Variants in SHTN1 observed in about 807,000 individuals in gnomAD.
SHTN1 encodes shootin 1.
A neutral mutation model predicts 83.1 loss-of-function variants in SHTN1; 42 were observed. The ratio of observed to expected loss-of-function variants is 0.51; its 90% CI spans 0.39 to 0.65. The LOEUF is 0.65. SHTN1 is among the 30% of genes least tolerant of loss of function. The pLI is 0.00. For missense variants in SHTN1, 622 were observed against 737.8 expected, an observed-to-expected ratio of 0.84 and a Z score of 1.82; for synonymous variants, 224 against 247.7, an observed-to-expected ratio of 0.90 and a Z score of 0.90.
chr10:117,069,905 T>C (rs1853056592), intron 1 of SHTN1, among the ~76,000 whole-genome samples: 2 of 152,232 alleles, frequency 1.3e-5, no homozygotes, highest in Non-Finnish European at 2.9e-5. Flanking sequence ...AGCCAACAGA[T>C]TGTACATATT....
upstream of SHTN1, chr10:117,005,455 C>G (rs377701955): frequency 6.7e-6 from 7 of 1,043,652 alleles, no homozygotes; most frequent in East Asian, 2.8e-4. Context: ...CTCCACCTCC[C>G]GGACTCAGGG....
intron 1 of SHTN1, among the ~76,000 whole-genome samples, chr10:116,998,179 T>C (rs1039225499): frequency 6.6e-6 from 1 of 152,228 alleles, no homozygotes; most frequent in African/African-American, 2.4e-5. Flanking sequence ...ATGGGAGATT[T>C]GTCTTTAATC....
chr10:117,004,639 G>A (rs896141063), intron 1 of SHTN1, among the ~76,000 whole-genome samples: 1 of 152,190 alleles, frequency 6.6e-6, no homozygotes, highest in South Asian at 2.1e-4. Context: ...GTGGGGCCAA[G>A]CTAGCTGAGC....
At chr10:116,935,671 T>C (rs966153150) in intron 9 of SHTN1, among the ~76,000 whole-genome samples, 1 of 152,238 alleles carries the variant, frequency 6.6e-6, no homozygotes, top group Non-Finnish European at 1.5e-5. Flanking sequence ...AGGATGATGC[T>C]GGCCTCATAA....
At chr10:117,051,347 T>C (rs1852738047) in intron 1 of SHTN1, among the ~76,000 whole-genome samples, 1 of 152,034 alleles carries the variant, frequency 6.6e-6, no homozygotes, top group African/African-American at 2.4e-5. Context: ...TGAAGAAGAA[T>C]TAACACTAAT....
chr10:117,097,641 G>C (rs1350791221), intron 1 of SHTN1, among the ~76,000 whole-genome samples: 1 of 152,116 alleles, frequency 6.6e-6, no homozygotes, highest in Non-Finnish European at 1.5e-5. Flanking sequence ...GAAGGTTATA[G>C]GTTACTAAAA....
intron 1 of SHTN1, among the ~76,000 whole-genome samples, chr10:116,983,265 A>G (rs961054079): frequency 4.6e-5 from 7 of 152,286 alleles, no homozygotes; most frequent in Non-Finnish European, 7.4e-5. Context: ...GTTAACATAT[A>G]AAAGAGTATT....
chr10:117,116,901 A>G (rs10886043), intron 1 of SHTN1, among the ~76,000 whole-genome samples: 100,237 of 151,960 alleles, frequency 0.66, 36,501 homozygotes, highest in Middle Eastern at 0.84. Flanking sequence ...ATATAGCAGG[A>G]ATATACCTCA....
chr10:117,093,061 A>G (rs1853456652), intron 1 of SHTN1, among the ~76,000 whole-genome samples: 1 of 152,210 alleles, frequency 6.6e-6, no homozygotes, highest in Non-Finnish European at 1.5e-5. Flanking sequence ...AACTCCTTCA[A>G]TAAATGTCAG....
chr10:117,011,512 G>A (rs191563114), intron 2 of SHTN1, among the ~76,000 whole-genome samples: 197 of 152,224 alleles, frequency 1.3e-3, no homozygotes, highest in Middle Eastern at 3.4e-3. Context: ...TTCCTATGTG[G>A]AAAATACCAA....
chr10:116,982,452 T>C (rs1467141413), intron 1 of SHTN1, among the ~76,000 whole-genome samples: 1 of 152,178 alleles, frequency 6.6e-6, no homozygotes, highest in Non-Finnish European at 1.5e-5. Flanking sequence ...TGTATCACAG[T>C]GGACCCCTAA....
intron 2 of SHTN1, among the ~76,000 whole-genome samples, chr10:116,971,892 TTCAG>T (rs1181262526): frequency 6.6e-6 from 1 of 152,192 alleles, no homozygotes; most frequent in East Asian, 1.9e-4. Flanking sequence ...CAATTCTCGC[TTCAG>T]TCAAATAGCC....
Position 117,087,125 on chromosome 10 carries a change from GTTATTGC to G in SHTN1, c.-188-38622_-188-38616del, listed in dbSNP as rs557751623. 1.6e-4 allele frequency among the ~76,000 whole-genome samples: 25 copies of G among 152,312 alleles called. No individual in the cohort carries two copies. In the South Asian group the frequency reaches 5.2e-3, roughly 32 times the overall value. On this transcript the variant is annotated intron_variant, in intron 1 of 17. Coordinates refer to the SHTN1 transcript ENST00000392901. ...GTCTGGATAGAGGAAGAAATAGGGA[GTTATTGC>G]TTAATGGGTGCAATAAGCAATAGGT... is the stretch of plus-strand genomic sequence containing the variant.
chr10:116,953,511 C>T (rs1849849209), intron 5 of SHTN1, among the ~76,000 whole-genome samples: 1 of 151,438 alleles, frequency 6.6e-6, no homozygotes, highest in Non-Finnish European at 1.5e-5. Context: ...ATGTGGGAAG[C>T]TTTCAAAATA....
At position 117,005,133 on chromosome 10, in the gene SHTN1, CAGG is replaced by C; in HGVS notation, c.-57_-55del. 6.4e-7 allele frequency: 1 copy of C among 1,560,700 alleles called. No individual in the cohort carries two copies. Among genetic ancestry groups the C allele is most frequent in the South Asian group, 1.2e-5 (1 of 84,952 alleles). On this transcript the variant is annotated 5_prime_UTR_variant, in exon 1 of 17. Transcript: ENST00000355371. ...GAAAGAGGGAGCGGCGCGGGGCACACAGGAGGAGGGGGAAGAAAAAGCAAGATG... is the reference window on the plus strand; with the variant it reads ...GAAAGAGGGAGCGGCGCGGGGCACACAGGAGGGGGAAGAAAAAGCAAGATG...
intron 1 of SHTN1, among the ~76,000 whole-genome samples, chr10:117,002,020 A>T (rs907952193): frequency 6.6e-6 from 1 of 152,204 alleles, no homozygotes; most frequent in African/African-American, 2.4e-5. Flanking sequence ...GATTGGCAAA[A>T]ATTCAAAAAC....
chr10:117,066,999 T>C (rs986505133), intron 1 of SHTN1, among the ~76,000 whole-genome samples: 1 of 152,188 alleles, frequency 6.6e-6, no homozygotes, highest in Non-Finnish European at 1.5e-5. Context: ...AAGTGTTGTT[T>C]AGGCAAAATA....
chr10:117,029,271 C>A (rs1852372596), intron 2 of SHTN1, among the ~76,000 whole-genome samples: 2 of 152,190 alleles, frequency 1.3e-5, no homozygotes, highest in Admixed American at 1.3e-4. Flanking sequence ...ATGTTTATAC[C>A]TCCATTGTAT....
At chr10:117,015,275 T>C (rs1276977601) in intron 2 of SHTN1, among the ~76,000 whole-genome samples, 10 of 152,188 alleles carry the variant, frequency 6.6e-5, no homozygotes, top group Admixed American at 5.9e-4. Flanking sequence ...TGCTGACAGC[T>C]GAAGGCTTTG....
Sources: gnomAD v4.1 joint callset for allele counts (sites outside exome capture counted in the v4.1 genomes callset) on GRCh38, gnomAD v4.1.1 for gene constraint, MANE v1.5 for transcripts, NCBI Gene and HGNC (gene_info 2026-07-23, HGNC 2026-07-21) for gene names.